ZNF577: variants seen among roughly 807,000 people sequenced by gnomAD.
The protein encoded by ZNF577 is zinc finger protein 577.
ZNF577 carries 14 observed loss-of-function variants against 13.9 expected under a neutral mutation model. The ratio of observed to expected loss-of-function variants is 1.00; its 90% confidence interval spans 0.66 to 1.57. ZNF577 has a LOEUF of 1.57. Among genes scored for constraint, ZNF577 ranks in the 40% most tolerant of loss-of-function variants. The pLI is 0.00. For synonymous variants in ZNF577, 203 were observed against 202.9 expected, an observed-to-expected ratio of 1.00 and a Z score of 0.00; for missense variants, 555 against 579.2, an observed-to-expected ratio of 0.96 and a Z score of 0.43.
intron 9 of ZNF577, among the ~76,000 whole-genome samples, chr19:51,813,897 T>G (rs2084115849): frequency 6.6e-6 from 1 of 152,190 alleles, no homozygotes; most frequent in Non-Finnish European, 1.5e-5. Context: ...TTGTTTATCT[T>G]CATCCTTCTG....
chr19:51,853,049 G>A (rs896378027), intron 5 of ZNF577, among the ~76,000 whole-genome samples: 3 of 151,224 alleles, frequency 2.0e-5, no homozygotes, highest in South Asian at 2.1e-4. Flanking sequence ...CAATTCTCCC[G>A]CCTCAGCCTC....
chr19:51,854,524 G>A (rs11883265), intron 5 of ZNF577, among the ~76,000 whole-genome samples: 50,720 of 141,540 alleles, frequency 0.36, 10,067 homozygotes, highest in African/African-American at 0.52. Flanking sequence ...TTTAGAGATG[G>A]GGTCTCGCTA....
intron 5 of ZNF577, among the ~76,000 whole-genome samples, chr19:51,853,733 TAA>T (rs535589778): frequency 4.6e-5 from 7 of 152,294 alleles, no homozygotes; most frequent in East Asian, 3.9e-4. Context: ...TCATTGAAAA[TAA>T]GTTTCTCTTT....
chr19:51,855,407 G>GTGTC (rs971143755), intron 5 of ZNF577, among the ~76,000 whole-genome samples: 6 of 143,532 alleles, frequency 4.2e-5, no homozygotes, highest in African/African-American at 1.6e-4. Context: ...GTGTGTGTGT[G>GTGTC]TCTACTTCAA....
chr19:51,823,986 T>C lies in ZNF577; in HGVS notation c.*600-12312A>G, dbSNP rs1205192450. The C allele has an allele frequency of 1.2e-6, 2 of 1,613,978 alleles. No individual in the cohort carries two copies. Among genetic ancestry groups the C allele is most frequent in the Non-Finnish European group, 1.7e-6 (2 of 1,179,986 alleles). ...CTTCTCTTTCAGTGCCATCCTACCATTCCGAATGGTCTCAGTCGCCATGAG... is the reference window on the plus strand; with the variant it reads ...CTTCTCTTTCAGTGCCATCCTACCACTCCGAATGGTCTCAGTCGCCATGAG... On this transcript the variant is annotated intron_variant and NMD_transcript_variant, in intron 9 of 10. Transcript: ENST00000638827.
intron 5 of ZNF577, among the ~76,000 whole-genome samples, chr19:51,845,257 G>A (rs559620220): frequency 6.6e-6 from 1 of 152,262 alleles, no homozygotes; most frequent in Non-Finnish European, 1.5e-5. Context: ...CACTTTGGGA[G>A]GCAGAGGCAG....
At chr19:51,809,474 T>G (rs1207471074) in intron 10 of ZNF577, among the ~76,000 whole-genome samples, 1 of 152,200 alleles carries the variant, frequency 6.6e-6, no homozygotes, top group Non-Finnish European at 1.5e-5. Context: ...AGATTTCTCA[T>G]GTAGTTGTGC....
intron 9 of ZNF577, among the ~76,000 whole-genome samples, chr19:51,832,016 T>C (rs1267117025): frequency 6.6e-6 from 1 of 152,212 alleles, no homozygotes; most frequent in Non-Finnish European, 1.5e-5. Context: ...CTCTCCAGTC[T>C]AGTTCAGCAA....
chr19:51,855,305 T>C (rs1161444498), intron 5 of ZNF577, among the ~76,000 whole-genome samples: 5 of 151,110 alleles, frequency 3.3e-5, no homozygotes, highest in African/African-American at 1.2e-4. Flanking sequence ...CTTAGTTAGC[T>C]AATGATTAAT....
chr19:51,846,389 T>C (rs1175450466), intron 5 of ZNF577, among the ~76,000 whole-genome samples: 1 of 152,146 alleles, frequency 6.6e-6, no homozygotes, highest in African/African-American at 2.4e-5. Context: ...GGGTGGGCCT[T>C]CAATATGGAA....
chr19:51,834,638 G>A (rs1370432064), intron 9 of ZNF577, among the ~76,000 whole-genome samples: 1 of 151,976 alleles, frequency 6.6e-6, no homozygotes, highest in Non-Finnish European at 1.5e-5. Flanking sequence ...TGAAGGATAA[G>A]AGGAGTACAT....
At chr19:51,866,901 A>T (rs988898336), downstream of ZNF577, among the ~76,000 whole-genome samples, 1 of 152,096 alleles carries the variant, frequency 6.6e-6, no homozygotes, top group African/African-American at 2.4e-5. Context: ...GAATCACTGG[A>T]ACCCAAGAGG....
Position 51,873,089 on chromosome 19 carries a change from T to G in ZNF577, c.901A>C (p.Ser301Arg), listed in dbSNP as rs1175242585. 1 of 1,614,112 alleles carries G rather than the reference T, an allele frequency of 6.2e-7. No individual in the cohort carries two copies. The highest frequency in any genetic ancestry group is 8.5e-7 in the Non-Finnish European group (1 of 1,180,052). The change falls in exon 6 of 6, where the codon AGT becomes CGT. Residue 301 changes from serine to arginine, a missense_variant. By Grantham distance (110) the Ser-to-Arg change is moderately radical. Coordinates refer to ENST00000638348, the MANE Select transcript of ZNF577 (RefSeq NM_001370449.1). Reference sequence around the variant, plus strand: ...AAATAGAAGGTTCTTCCACAATCACTGCATTTATAAGGCTTATCTCCTGTG... The same window carrying G: ...AAATAGAAGGTTCTTCCACAATCACGGCATTTATAAGGCTTATCTCCTGTG... The part of the protein sequence containing the change: ...LHTGDKPYKC[S>R]DCGRTFYFKS...
intron 5 of ZNF577, among the ~76,000 whole-genome samples, chr19:51,852,415 C>A (rs995507275): frequency 1.3e-5 from 2 of 152,206 alleles, no homozygotes; most frequent in African/African-American, 2.4e-5. Flanking sequence ...TCCGTGATCC[C>A]ACCTATCTGT....
chr19:51,852,508 A>G (rs1004687455), intron 5 of ZNF577, among the ~76,000 whole-genome samples: 1 of 152,170 alleles, frequency 6.6e-6, no homozygotes, highest in Admixed American at 6.5e-5. Context: ...AATCTTGTCC[A>G]TTTTGGAGGA....
In ZNF577 at chr19:51,846,802, C is replaced by CTCA. The variant is rs543292898; in HGVS notation, c.284-1874_284-1872dup. On this transcript the variant is annotated intron_variant and NMD_transcript_variant, in intron 5 of 10. Transcript: ENST00000638827. The stretch of plus-strand genomic sequence containing the variant: ...ACCAGAAAAAGATCTCTCACCAAAA[C>CTCA]TCATCCCACACTGGCACTGTGATCA... Among the ~76,000 whole-genome samples the CTCA allele has an allele frequency of 3.3e-3, 509 of 152,226 alleles. 1 individual carries two copies. The highest frequency in any genetic ancestry group is 0.012 in the African/African-American group (490 of 41,548).
At chr19:51,807,217 G>C (rs751221962) in intron 10 of ZNF577, among the ~76,000 whole-genome samples, 3 of 63,536 alleles carry the variant, frequency 4.7e-5, no homozygotes, top group African/African-American at 2.0e-4. Context: ...AGCAGGAAGT[G>C]GGGGGGGTGG....
chr19:51,829,978 C>T (rs1275642450), intron 9 of ZNF577, among the ~76,000 whole-genome samples: 1 of 152,124 alleles, frequency 6.6e-6, no homozygotes, highest in Non-Finnish European at 1.5e-5. Flanking sequence ...TTTGTAAAGT[C>T]AAAACAACAG....
chr19:51,873,205 C>G lies in ZNF577; in HGVS notation c.785G>C (p.Arg262Pro), dbSNP rs142925012. ...ATAGAGTTTCTCTCCAGTATGTGAT[C>G]GCTGATGTCTATTGAGCCGGCACTT... ...SRKCRLNRHQRSHTGEKLYGC... is the reference protein window; with the variant it reads ...SRKCRLNRHQPSHTGEKLYGC... The change falls in exon 6 of 6, where the codon CGA becomes CCA. Residue 262 changes from arginine (R) to proline (P), a missense_variant. Arg to Pro is a moderately radical substitution (Grantham distance 103). Transcript: ENST00000638348. 3.1e-6 allele frequency: 5 copies of G among 1,614,072 alleles called. No individual in the cohort carries two copies. In the East Asian group the frequency reaches 1.1e-4, roughly 36 times the overall value.
Sources: gnomAD v4.1 joint callset for allele counts (sites outside exome capture counted in the v4.1 genomes callset) on GRCh38, gnomAD v4.1.1 for gene constraint, MANE v1.5 for transcripts, NCBI Gene and HGNC (gene_info 2026-07-23, HGNC 2026-07-21) for gene names.